The following HSPA14 variants were observed in gnomAD, a reference collection of about 807,000 sequenced individuals.
The protein encoded by HSPA14 is heat shock 70 kDa protein 14.
A neutral mutation model predicts 65.5 loss-of-function variants in HSPA14; 37 were observed. The observed-to-expected ratio is 0.56, with a 90% confidence interval of 0.43 to 0.74. The LOEUF (loss-of-function observed/expected upper bound fraction) is 0.74, where lower values mean the gene tolerates loss of function less well. Ranked by LOEUF, HSPA14 falls within the 30% of genes least tolerant of loss-of-function variation. The pLI is 0.00. For missense variants in HSPA14, 564 were observed against 607.6 expected (o/e 0.93, Z 0.75); for synonymous variants, 203 against 214.2 (o/e 0.95, Z 0.46).
intron 3 of HSPA14, chr10:14,843,792 C>T (rs1283171411): frequency 3.6e-5 from 55 of 1,536,168 alleles, no homozygotes; most frequent in Non-Finnish European, 4.6e-5. Context: ...ATGCTGTCAT[C>T]GCAGTCAGAC....
intron 10 of HSPA14, among the ~76,000 whole-genome samples, chr10:14,864,552 G>C (rs1270613991): frequency 6.6e-6 from 1 of 150,390 alleles, no homozygotes; most frequent in East Asian, 2.0e-4. Context: ...TCATTGTTCA[G>C]TTCCCACCTA....
intron 6 of HSPA14, 42 bp downstream of exon 6, chr10:14,849,853 G>C (rs778121713): frequency 2.6e-5 from 31 of 1,198,834 alleles, no homozygotes; most frequent in Non-Finnish European, 3.7e-5. Flanking sequence ...ATTAAAGGAA[G>C]TACAAAGTCA....
At chr10:14,838,688 G>T (rs1193177508) in intron 1 of HSPA14, 2 of 503,874 alleles carry the variant, frequency 4.0e-6, no homozygotes. Flanking sequence ...ATGTAGACGC[G>T]CGGGGTCCCA....
intron 10 of HSPA14, among the ~76,000 whole-genome samples, chr10:14,858,179 G>T (rs1230601171): frequency 6.6e-6 from 1 of 152,084 alleles, no homozygotes; most frequent in Non-Finnish European, 1.5e-5. Flanking sequence ...ACTCTATAGG[G>T]TTGCTACAAG....
chr10:14,838,402 C>A lies in HSPA14; in HGVS notation c.-1C>A. ...CCTGCCGCTGCCGTCCCTGCTGCCT[C>A]ATGGCGGCCATCGGAGTTCACCTGG... On this transcript the variant is annotated 5_prime_UTR_variant, in exon 1 of 14. Coordinates refer to ENST00000378372, the MANE Select transcript of HSPA14 (RefSeq NM_016299.4). 3.1e-6 allele frequency: 5 copies of A among 1,603,720 alleles called. No homozygotes were observed. The highest frequency in any genetic ancestry group is 3.4e-6 in the Non-Finnish European group (4 of 1,177,348).
intron 11 of HSPA14, 150 bp downstream of exon 11, chr10:14,867,445 A>G: frequency 1.6e-6 from 1 of 622,970 alleles, no homozygotes; most frequent in Non-Finnish European, 2.7e-6. Flanking sequence ...TTAGATTTAT[A>G]ATCCTACTTT....
chr10:14,842,544 C>T lies in HSPA14; in HGVS notation c.221+2387C>T. 6.5e-7 allele frequency: 1 copy of T among 1,536,134 alleles called. No individual in the cohort carries two copies. Among genetic ancestry groups the T allele is most frequent in the African/African-American group, 1.4e-5 (1 of 73,158 alleles). On this transcript the variant is annotated intron_variant, in intron 3 of 13. Coordinates refer to ENST00000378372, the MANE Select transcript of HSPA14 (RefSeq NM_016299.4). This position sits in a 1 kb window ranked among gnomAD's most constrained non-coding sequence, Gnocchi z 5.2. Reference sequence around the variant, plus strand: ...GCCCATGCCACAAGTATGGGTGAGCCACCACACTGTCCATTTTATGATACG... The same window carrying T: ...GCCCATGCCACAAGTATGGGTGAGCTACCACACTGTCCATTTTATGATACG...
In HSPA14 at chr10:14,851,219, A is replaced by G. The variant is rs749344443; in HGVS notation, c.468A>G (p.Gly156=). 2.0e-6 allele frequency: 3 copies of G among 1,537,154 alleles called. No homozygotes were observed. The highest frequency in any genetic ancestry group is 1.2e-5 in the South Asian group (1 of 85,956). The change falls in exon 7 of 14, where the codon GGA becomes GGG. Residue 156 remains glycine, a splice_region_variant and synonymous_variant. Coordinates refer to ENST00000378372, the MANE Select transcript of HSPA14 (RefSeq NM_016299.4). Reference sequence around the variant, plus strand: ...TTCATTGAAAGCAAATTGTTCACAGAGAAGCAGCTAGAGCTGCTGGATTTA... The same window carrying G: ...TTCATTGAAAGCAAATTGTTCACAGGGAAGCAGCTAGAGCTGCTGGATTTA... ...DFGEKQKNAL[G]EAARAAGFNV... is the part of the protein sequence containing the mutation.
intron 10 of HSPA14, among the ~76,000 whole-genome samples, chr10:14,864,863 T>C (rs1832791470): frequency 6.6e-6 from 1 of 152,216 alleles, no homozygotes; most frequent in Non-Finnish European, 1.5e-5. Context: ...CTGGGTCAAA[T>C]GGTATTTCTA....
At chr10:14,839,131 A>G (rs2131632643) in intron 1 of HSPA14, among the ~76,000 whole-genome samples, 1 of 152,256 alleles carries the variant, frequency 6.6e-6, no homozygotes, top group Non-Finnish European at 1.5e-5. Flanking sequence ...TGGAAGTGAG[A>G]GCCTGACAGG....
In HSPA14 at chr10:14,867,809, A is replaced by G; in HGVS notation, c.1280A>G (p.Gln427Arg). Residue 427 changes from glutamine (Q) to arginine (R), a missense_variant, in exon 12 of 14, where the codon CAA becomes CGA. Transcript: ENST00000378372. ...PSGTPLPARR[Q>R]HTLQAPGSIS... is the part of the protein sequence containing the mutation. Reference sequence around the variant, plus strand: ...GGGACTCCTTTGCCAGCTCGAAGACAACACACATTGCAAGCCCCTGGAAGC... The same window carrying G: ...GGGACTCCTTTGCCAGCTCGAAGACGACACACATTGCAAGCCCCTGGAAGC... 1 of 1,614,158 alleles carries G rather than the reference A, an allele frequency of 6.2e-7. No homozygotes were observed. Among genetic ancestry groups the G allele is most frequent in the Non-Finnish European group, 8.5e-7 (1 of 1,180,028 alleles).
Position 14,843,719 on chromosome 10 carries a change from G to A in HSPA14, c.221+3562G>A, listed in dbSNP as rs906050229. 3.9e-6 allele frequency: 6 copies of A among 1,538,144 alleles called. No individual in the cohort carries two copies. In the East Asian group the frequency reaches 1.2e-4, roughly 31 times the overall value. On this transcript the variant is annotated intron_variant, in intron 3 of 13. Coordinates refer to ENST00000378372, the MANE Select transcript of HSPA14 (RefSeq NM_016299.4). ...AAGCGGGAGGAAGAAAAACTGGACA[G>A]GCTGATTGCTATTGGTGAGGAGGCC...
intron 3 of HSPA14, among the ~76,000 whole-genome samples, chr10:14,847,251 T>TA (rs1254225170): frequency 6.6e-6 from 1 of 152,234 alleles, no homozygotes; most frequent in Non-Finnish European, 1.5e-5. Context: ...GTAGACAACC[T>TA]ACGCACAACA....
At chr10:14,859,888 G>C (rs1832737404) in intron 10 of HSPA14, among the ~76,000 whole-genome samples, 1 of 152,020 alleles carries the variant, frequency 6.6e-6, no homozygotes, top group Non-Finnish European at 1.5e-5. Flanking sequence ...GAGAGCTTTA[G>C]AATTATTTTT....
At position 14,867,745 on chromosome 10, in the gene HSPA14, G is replaced by A. The variant is rs757669772; in HGVS notation, c.1216G>A (p.Glu406Lys). The change falls in exon 12 of 14, where the codon GAA becomes AAA. Residue 406 changes from glutamate (E) to lysine (K), a missense_variant. Coordinates refer to ENST00000378372, the MANE Select transcript of HSPA14 (RefSeq NM_016299.4). ...ARDILVKGVD[E>K]SGASRFTVLF... ...GTTTCCTGCTAACTAGGGTGTGGAC[G>A]AATCAGGAGCCAGTAGATTCACAGT... 5.0e-6 allele frequency: 8 copies of A among 1,613,048 alleles called. No individual in the cohort carries two copies. The highest frequency in any genetic ancestry group is 1.3e-5 in the African/African-American group (1 of 74,834).
Position 14,840,166 on chromosome 10 carries a change from T to G in HSPA14, c.221+9T>G. 7.6e-7 allele frequency: 1 copy of G among 1,310,196 alleles called. No homozygotes were observed. Among genetic ancestry groups the G allele is most frequent in the Non-Finnish European group, 1.0e-6 (1 of 967,324 alleles). The allele number at this position is 1,310,196 out of a possible 1,614,324, so 81.2% of individuals were successfully genotyped here. A position where few individuals can be genotyped will look rare whatever the true frequency, so the allele number is the denominator to read the frequency against. On this transcript the variant is annotated intron_variant, in intron 3 of 13. Coordinates refer to ENST00000378372, the MANE Select transcript of HSPA14 (RefSeq NM_016299.4). ...CAGATCCTGGGCAGAAGGTATGGAA[T>G]CAAATGATACTTTTAAATATGGTAA...
At chr10:14,843,767 A>G (rs773892429) in intron 3 of HSPA14, 127 of 1,536,266 alleles carry the variant, frequency 8.3e-5, no homozygotes, top group Non-Finnish European at 1.0e-4. Context: ...GATACTGCCA[A>G]TGAGCTCCGC....
At chr10:14,845,788 C>G (rs1310555726) in intron 3 of HSPA14, 1 of 173,514 alleles carries the variant, frequency 5.8e-6, no homozygotes, top group Non-Finnish European at 1.1e-5. Context: ...TCTTGAACTC[C>G]TGACCTCAGG....
At position 14,845,598 on chromosome 10, in the gene HSPA14, A is replaced by ATTTT. The variant is rs559219676; in HGVS notation, c.222-3001_222-2998dup. On this transcript the variant is annotated intron_variant, in intron 3 of 13. Transcript: ENST00000378372. ...TCACTTGCCCTTTTCTATTATTATT[A>ATTTT]TTTTTTTTTTTTTGAGAAAAAGTCT... 3 of 704,590 alleles carry ATTTT rather than the reference A, an allele frequency of 4.3e-6. No individual in the cohort carries two copies. The African/African-American group carries it at 6.1e-5, about 14-fold the overall frequency. 43.6% of individuals were successfully genotyped at this position (704,590 alleles called of 1,614,324 possible).
Sources: gnomAD v4.1 joint callset for allele counts (sites outside exome capture counted in the v4.1 genomes callset) on GRCh38, gnomAD v4.1.1 for gene constraint, Gnocchi (gnomAD v3.1) non-coding constraint, MANE v1.5 for transcripts, NCBI Gene and HGNC (gene_info 2026-07-23, HGNC 2026-07-21) for gene names.